Variants in PRKN observed in about 807,000 individuals in gnomAD.
PRKN encodes the protein parkin RBR E3 ubiquitin protein ligase.
Under a neutral mutation model 59.5 loss-of-function variants are expected in PRKN, and 56 were observed. The observed-to-expected ratio is 0.94, with a 90% CI of 0.76 to 1.18. The LOEUF (loss-of-function observed/expected upper bound fraction) is 1.18. Ranked by LOEUF, PRKN falls within the 50% of genes most tolerant of loss-of-function variation. The pLI, the probability that PRKN is intolerant of heterozygous loss-of-function variation, is 0.00. For synonymous variants in PRKN, 250 were observed against 222.1 expected, an observed-to-expected ratio of 1.13 and a Z score of -1.12; for missense variants, 657 against 596.4, an observed-to-expected ratio of 1.10 and a Z score of -1.06.
chr6:162,389,798 C>G (rs1787066787), intron 2 of PRKN, among the ~76,000 whole-genome samples: 3 of 152,174 alleles, frequency 2.0e-5, no homozygotes. Context: ...AAAGCTTTCC[C>G]CACTCCTCAG....
chr6:162,330,448 C>A (rs1027174648), intron 2 of PRKN, among the ~76,000 whole-genome samples: 4 of 152,114 alleles, frequency 2.6e-5, no homozygotes, highest in Non-Finnish European at 5.9e-5. Context: ...ACAGCTTCAC[C>A]TTTGTTTCTG....
intron 2 of PRKN, among the ~76,000 whole-genome samples, chr6:162,409,095 A>G (rs933851703): frequency 1.3e-5 from 2 of 151,976 alleles, no homozygotes; most frequent in African/African-American, 2.4e-5. Flanking sequence ...GGTAATGTGC[A>G]TCTGCTTTTG....
intron 6 of PRKN, among the ~76,000 whole-genome samples, chr6:161,800,634 G>T (rs761553870): frequency 1.3e-5 from 2 of 152,234 alleles, no homozygotes; most frequent in Non-Finnish European, 2.9e-5. Context: ...ATGACCTGTT[G>T]TGGGCAGTGT....
intron 1 of PRKN, among the ~76,000 whole-genome samples, chr6:162,685,925 T>C (rs1294989533): frequency 6.6e-6 from 1 of 152,240 alleles, no homozygotes; most frequent in Admixed American, 6.5e-5. Context: ...CATTCAATAT[T>C]ATAAACACAG....
chr6:162,310,589 T>C (rs1782456129), intron 2 of PRKN, among the ~76,000 whole-genome samples: 1 of 151,468 alleles, frequency 6.6e-6, no homozygotes, highest in African/African-American at 2.4e-5. Context: ...ACGTTCATGG[T>C]AATTGTGGGG....
At chr6:162,556,367 G>GTGTGTGTGCGCA (rs1336434932) in intron 1 of PRKN, among the ~76,000 whole-genome samples, 3 of 80,642 alleles carry the variant, frequency 3.7e-5, no homozygotes, top group Non-Finnish European at 9.0e-5. Context: ...GTGTGTGTGT[G>GTGTGTGTGCGCA]TGTGTGTGTG....
At chr6:162,089,499 A>C (rs1470302915) in intron 4 of PRKN, among the ~76,000 whole-genome samples, 2 of 152,200 alleles carry the variant, frequency 1.3e-5, no homozygotes, top group African/African-American at 4.8e-5. Context: ...GCATACCTTA[A>C]AATAGTGTTA....
At chr6:162,600,814 C>T (rs559347402) in intron 1 of PRKN, among the ~76,000 whole-genome samples, 84 of 152,276 alleles carry the variant, frequency 5.5e-4, no homozygotes, top group African/African-American at 1.9e-3. Flanking sequence ...TTCCCCTTCG[C>T]CTTCCACCAT....
intron 5 of PRKN, among the ~76,000 whole-genome samples, chr6:162,050,569 G>T (rs939688259): frequency 3.9e-5 from 6 of 151,978 alleles, no homozygotes; most frequent in Non-Finnish European, 8.8e-5. Flanking sequence ...AACTTTGAGG[G>T]TTTAATGTTG....
intron 2 of PRKN, among the ~76,000 whole-genome samples, chr6:162,313,448 A>G (rs1282023252): frequency 6.6e-6 from 1 of 152,094 alleles, no homozygotes. Context: ...CAAGGGCCGA[A>G]TAATATTCTA....
At chr6:161,946,306 C>T (rs755682537) in intron 6 of PRKN, among the ~76,000 whole-genome samples, 55 of 151,624 alleles carry the variant, frequency 3.6e-4, no homozygotes, top group Non-Finnish European at 2.6e-4. Flanking sequence ...AGCTCTTAGG[C>T]AAAGTGATAA....
chr6:161,380,264 T>C (rs1368755130), intron 10 of PRKN, among the ~76,000 whole-genome samples: 1 of 152,130 alleles, frequency 6.6e-6, no homozygotes, highest in African/African-American at 2.4e-5. Context: ...TCCAACCCCG[T>C]GGAGAACTGG....
Position 161,352,869 on chromosome 6 carries a change from T to A in PRKN, c.1286-2658A>T, listed in dbSNP as rs1044695090. Reference sequence around the variant, plus strand: ...ATCTGGGCTCACTGCCACCTCTGCCTCCCGGGTTCAAGCAATTCTCCTGCC... The same window carrying A: ...ATCTGGGCTCACTGCCACCTCTGCCACCCGGGTTCAAGCAATTCTCCTGCC... On this transcript the variant is annotated intron_variant, in intron 11 of 11. Coordinates refer to ENST00000366898, the MANE Select transcript of PRKN (RefSeq NM_004562.3). The surrounding 1 kb of genome is among the most constrained non-coding windows in gnomAD (Gnocchi z 5.8). Among the ~76,000 whole-genome samples, 1 of 151,684 alleles carries A rather than the reference T, an allele frequency of 6.6e-6. No individual in the cohort carries two copies. Among genetic ancestry groups the A allele is most frequent in the Non-Finnish European group, 1.5e-5 (1 of 67,986 alleles).
At chr6:162,176,841 G>C (rs2128321538) in intron 4 of PRKN, among the ~76,000 whole-genome samples, 1 of 151,672 alleles carries the variant, frequency 6.6e-6, no homozygotes, top group African/African-American at 2.4e-5. Context: ...TGGGAGCAGA[G>C]AGAAATGCTC....
chr6:162,650,257 G>A (rs1778366248), intron 1 of PRKN, among the ~76,000 whole-genome samples: 1 of 152,112 alleles, frequency 6.6e-6, no homozygotes, highest in Non-Finnish European at 1.5e-5. Context: ...GACCACAGGA[G>A]CTGCAACTGC....
At chr6:162,308,871 C>G (rs1046722561) in intron 2 of PRKN, among the ~76,000 whole-genome samples, 5 of 151,940 alleles carry the variant, frequency 3.3e-5, no homozygotes, top group African/African-American at 1.2e-4. Flanking sequence ...CCTAATCAGT[C>G]ATATGATAAT....
chr6:162,402,631 G>A (rs962070432), intron 2 of PRKN, among the ~76,000 whole-genome samples: 103 of 149,930 alleles, frequency 6.9e-4, no homozygotes, highest in African/African-American at 2.5e-3. Context: ...GTCTTTCCTT[G>A]TCATATATAT....
rs539455982 is a variant in PRKN at position 161,720,119 on chromosome 6, T to C, written c.871+65653A>G. Among the ~76,000 whole-genome samples, 4 of 152,262 alleles carry C rather than the reference T, an allele frequency of 2.6e-5. No individual in the cohort carries two copies. The East Asian group carries it at 7.7e-4, about 29-fold the overall frequency. ...CCACTGGAAAGTCGAAAAAAATAAT[T>C]AAGGCTAAAGTATAAGAATAATCAC... On this transcript the variant is annotated intron_variant, in intron 7 of 11. Coordinates refer to ENST00000366898, the MANE Select transcript of PRKN (RefSeq NM_004562.3).
At chr6:162,180,651 A>G (rs1003711200) in intron 4 of PRKN, among the ~76,000 whole-genome samples, 1 of 152,146 alleles carries the variant, frequency 6.6e-6, no homozygotes, top group Admixed American at 6.5e-5. Context: ...CCTTCCCCAC[A>G]TTGACTGAAT....
Sources: allele counts gnomAD v4.1 joint callset (sites outside exome capture counted in the v4.1 genomes callset), GRCh38; gene constraint gnomAD v4.1.1; non-coding constraint Gnocchi (gnomAD v3.1); transcripts MANE v1.5; gene names NCBI Gene and HGNC (gene_info 2026-07-23, HGNC 2026-07-21).